RPS6KA2: variants seen among roughly 807,000 people sequenced by gnomAD.
RPS6KA2 encodes ribosomal protein S6 kinase A2.
A neutral mutation model predicts 91.8 loss-of-function variants in RPS6KA2; 42 were observed. The ratio of observed to expected loss-of-function variants is 0.46; its 90% CI spans 0.36 to 0.59. The LOEUF (loss-of-function observed/expected upper bound fraction) is 0.59. Ranked by LOEUF, RPS6KA2 falls within the 20% of genes least tolerant of loss-of-function variation. The pLI, the probability that RPS6KA2 is intolerant of heterozygous loss-of-function variation, is 0.00. For synonymous variants in RPS6KA2, 414 were observed against 393.6 expected, an observed-to-expected ratio of 1.05 and a Z score of -0.61; for missense variants, 798 against 978.5, an observed-to-expected ratio of 0.82 and a Z score of 2.46.
At chr6:166,735,926 A>G (rs1790660180) in intron 2 of RPS6KA2, among the ~76,000 whole-genome samples, 2 of 152,240 alleles carry the variant, frequency 1.3e-5, no homozygotes, top group Non-Finnish European at 2.9e-5. Flanking sequence ...GAGGCAGCAC[A>G]CTGGGTGATT....
At chr6:166,586,197 T>C (rs1785164750) in intron 1 of RPS6KA2, 1 of 1,586,514 alleles carries the variant, frequency 6.3e-7, no homozygotes, top group South Asian at 1.1e-5. Context: ...TTCTTGTCTG[T>C]GTTGCGGGTA....
chr6:166,646,381 G>A (rs941679376), intron 2 of RPS6KA2, among the ~76,000 whole-genome samples: 3 of 152,220 alleles, frequency 2.0e-5, no homozygotes, highest in Admixed American at 2.0e-4. Context: ...AAGAGGCCCT[G>A]AAAGAGAAAG....
intron 2 of RPS6KA2, among the ~76,000 whole-genome samples, chr6:166,781,118 C>T (rs2128610345): frequency 6.6e-6 from 1 of 152,332 alleles, no homozygotes; most frequent in South Asian, 2.1e-4. Context: ...AAATACAAAA[C>T]ATGATGGACC....
At chr6:166,512,364 T>A (rs1223993174) in intron 3 of RPS6KA2, among the ~76,000 whole-genome samples, 1 of 152,110 alleles carries the variant, frequency 6.6e-6, no homozygotes, top group Non-Finnish European at 1.5e-5. Flanking sequence ...ATACAAAGAT[T>A]TTGGGTATAA....
intron 2 of RPS6KA2, among the ~76,000 whole-genome samples, chr6:166,783,789 C>CAT (rs1261776990): frequency 2.6e-5 from 3 of 114,824 alleles, no homozygotes; most frequent in Non-Finnish European, 2.2e-5. Context: ...TCTATAACTA[C>CAT]ATATATACAC....
chr6:166,582,809 GA>G (rs1785062572), intron 1 of RPS6KA2, among the ~76,000 whole-genome samples: 1 of 152,082 alleles, frequency 6.6e-6, no homozygotes, highest in South Asian at 2.1e-4. Context: ...ATGTGCAGAG[GA>G]AGAAAAAACA....
At chr6:166,527,829 C>A (rs535431012) in intron 3 of RPS6KA2, among the ~76,000 whole-genome samples, 1 of 152,184 alleles carries the variant, frequency 6.6e-6, no homozygotes, top group Non-Finnish European at 1.5e-5. Context: ...CTGGCTGTTC[C>A]CGCTAAGTAC....
intron 3 of RPS6KA2, among the ~76,000 whole-genome samples, chr6:166,519,104 C>T (rs989355871): frequency 1.3e-5 from 2 of 152,232 alleles, no homozygotes; most frequent in Non-Finnish European, 2.9e-5. Flanking sequence ...ATGCTGAGTA[C>T]GTTCAAGCCG....
At chr6:166,673,312 G>A (rs1788528377) in intron 2 of RPS6KA2, among the ~76,000 whole-genome samples, 1 of 151,096 alleles carries the variant, frequency 6.6e-6, no homozygotes, top group Non-Finnish European at 1.5e-5. Flanking sequence ...GGGAAGCACT[G>A]ATCCTGGGTG....
chr6:166,631,666 G>T (rs1486755036), upstream of RPS6KA2, among the ~76,000 whole-genome samples: 2 of 152,162 alleles, frequency 1.3e-5, no homozygotes, highest in African/African-American at 4.8e-5. Flanking sequence ...GGGGCACTCT[G>T]GTGCCTTCCA....
chr6:166,701,068 C>T, intron 2 of RPS6KA2: 1 of 1,531,964 alleles, frequency 6.5e-7, no homozygotes, highest in Non-Finnish European at 9.0e-7. Context: ...TGGCATCTGC[C>T]TCCGTGGTGG....
At position 166,635,650 on chromosome 6, in the gene RPS6KA2, T is replaced by G. The variant is rs1455167695; in HGVS notation, c.124-96866A>C. Among the ~76,000 whole-genome samples, 1 of 152,062 alleles carries G rather than the reference T, an allele frequency of 6.6e-6. No individual in the cohort carries two copies. The highest frequency in any genetic ancestry group is 6.5e-5 in the Admixed American group (1 of 15,280). On this transcript the variant is annotated intron_variant, in intron 2 of 21. Transcript: ENST00000503859. This position sits in a 1 kb window ranked among gnomAD's most constrained non-coding sequence, Gnocchi z 4.8. ...CTAGGTCACATGGTAGAGAGCCCCATGGAGTTTACCCCAGAAGAGGAGGAA... is the reference window on the plus strand; with the variant it reads ...CTAGGTCACATGGTAGAGAGCCCCAGGGAGTTTACCCCAGAAGAGGAGGAA...
chr6:166,473,276 G>A (rs941513360), intron 10 of RPS6KA2, among the ~76,000 whole-genome samples: 2 of 151,916 alleles, frequency 1.3e-5, no homozygotes, highest in Non-Finnish European at 2.9e-5. Context: ...CTGCAGCCTC[G>A]ATTTCCTGGG....
In RPS6KA2 at chr6:166,570,980, C is replaced by T. The variant is rs184842718; in HGVS notation, c.100-32196G>A. ...TGGCAAACTTTTTCTAAACTTTACA[C>T]GAAATAATAAAGAATAGCATAGGAA... is the stretch of plus-strand genomic sequence containing the variant. On this transcript the variant is annotated intron_variant, in intron 1 of 20. Transcript: ENST00000265678. 2.6e-3 allele frequency among the ~76,000 whole-genome samples: 393 copies of T among 152,160 alleles called. 2 individuals carry two copies. Among genetic ancestry groups the T allele is most frequent in the African/African-American group, 8.4e-3 (349 of 41,486 alleles).
intron 2 of RPS6KA2, among the ~76,000 whole-genome samples, chr6:166,832,360 A>C (rs1298211382): frequency 6.6e-6 from 1 of 152,190 alleles, no homozygotes; most frequent in African/African-American, 2.4e-5. Flanking sequence ...TCACAGATGC[A>C]CAGATAGCAG....
chr6:166,650,285 C>T (rs1433449927), intron 2 of RPS6KA2, among the ~76,000 whole-genome samples: 1 of 152,076 alleles, frequency 6.6e-6, no homozygotes, highest in Non-Finnish European at 1.5e-5. Context: ...CCTTTCATCA[C>T]CACATTCTTA....
At chr6:166,848,376 A>C (rs1419038075) in intron 2 of RPS6KA2, among the ~76,000 whole-genome samples, 1 of 152,242 alleles carries the variant, frequency 6.6e-6, no homozygotes, top group African/African-American at 2.4e-5. Context: ...CTAAAAGTAG[A>C]TCTACCATTT....
chr6:166,486,733 G>C (rs1373387784), intron 10 of RPS6KA2, among the ~76,000 whole-genome samples: 2 of 151,894 alleles, frequency 1.3e-5, no homozygotes, highest in Non-Finnish European at 2.9e-5. Flanking sequence ...GCTGCGGGGT[G>C]AGTCTACACT....
chr6:166,801,328 G>GTTTAT (rs10534491), intron 2 of RPS6KA2, among the ~76,000 whole-genome samples: 18 of 150,370 alleles, frequency 1.2e-4, no homozygotes, highest in East Asian at 3.9e-4. Context: ...GGAAAGGGAG[G>GTTTAT]TTTATTTTAT....
Sources: allele counts gnomAD v4.1 joint callset (sites outside exome capture counted in the v4.1 genomes callset), GRCh38; gene constraint gnomAD v4.1.1; non-coding constraint Gnocchi (gnomAD v3.1); transcripts MANE v1.5; gene names NCBI Gene and HGNC (gene_info 2026-07-23, HGNC 2026-07-21).